The following ERC2 variants were observed in gnomAD, a reference collection of about 807,000 sequenced individuals.
ERC2 encodes ELKS/RAB6-interacting/CAST family member 2.
In ERC2, 42 loss-of-function variants were observed where a neutral mutation model predicts 114.8. The ratio of observed to expected loss-of-function variants is 0.37; its 90% CI spans 0.29 to 0.47. ERC2 has a LOEUF of 0.47. Among genes scored for constraint, ERC2 ranks in the 20% least tolerant of loss-of-function variants. The pLI, the probability that ERC2 is intolerant of heterozygous loss-of-function variation, is 0.99. For missense variants in ERC2, 939 were observed against 1,150.7 expected (o/e 0.82, Z 2.66); for synonymous variants, 454 against 425.5 (o/e 1.07, Z -0.82).
intron 15 of ERC2, among the ~76,000 whole-genome samples, chr3:55,713,982 A>C (rs1344555782): frequency 6.6e-6 from 1 of 152,244 alleles, no homozygotes; most frequent in Non-Finnish European, 1.5e-5. Flanking sequence ...GCATTACTTA[A>C]TCTTCAGGAA....
intron 17 of ERC2, among the ~76,000 whole-genome samples, chr3:55,589,076 C>T (rs1291197695): frequency 2.0e-5 from 3 of 151,952 alleles, no homozygotes; most frequent in Non-Finnish European, 4.4e-5. Context: ...GACTCAGTTT[C>T]CTTGGCTATA....
At chr3:56,378,329 C>T (rs1440896769) in intron 2 of ERC2, among the ~76,000 whole-genome samples, 2 of 142,794 alleles carry the variant, frequency 1.4e-5, no homozygotes, top group African/African-American at 5.3e-5. Flanking sequence ...GAATAAAAAA[C>T]CAAACACTGC....
intron 7 of ERC2, among the ~76,000 whole-genome samples, chr3:56,043,534 G>C (rs918196100): frequency 2.2e-4 from 34 of 151,920 alleles, no homozygotes; most frequent in African/African-American, 8.2e-4. Flanking sequence ...GAAAAAAAAA[G>C]AGGAATTAAA....
chr3:56,286,414 CAAAAAAAAAAAAA>C (rs778645110), intron 3 of ERC2, among the ~76,000 whole-genome samples: 1 of 30,316 alleles, frequency 3.3e-5, no homozygotes, highest in African/African-American at 1.4e-4. Flanking sequence ...AACTCCATCT[CAAAAAAAAAAAAA>C]AAAAAAAAAA....
intron 13 of ERC2, among the ~76,000 whole-genome samples, chr3:55,893,170 C>T (rs1559828441): frequency 6.6e-6 from 1 of 152,166 alleles, no homozygotes; most frequent in African/African-American, 2.4e-5. Flanking sequence ...GTGAGAAATA[C>T]ATTTCTGTTA....
chr3:56,037,418 A>G (rs551031339), intron 7 of ERC2, among the ~76,000 whole-genome samples: 1 of 152,346 alleles, frequency 6.6e-6, no homozygotes, highest in African/African-American at 2.4e-5. Context: ...ACAAGTATCA[A>G]TAGCTGAAGA....
At chr3:55,543,493 G>A (rs1402267189) in intron 17 of ERC2, among the ~76,000 whole-genome samples, 2 of 152,206 alleles carry the variant, frequency 1.3e-5, no homozygotes, top group African/African-American at 2.4e-5. Flanking sequence ...GGTCACAAAC[G>A]AGGCCTAGTG....
intron 2 of ERC2, among the ~76,000 whole-genome samples, chr3:56,344,306 G>A (rs551357431): frequency 2.0e-5 from 3 of 152,238 alleles, no homozygotes; most frequent in Admixed American, 1.3e-4. Flanking sequence ...CATTGCCCTG[G>A]CAAACACCTT....
intron 14 of ERC2, among the ~76,000 whole-genome samples, chr3:55,827,339 G>A (rs559653398): frequency 3.7e-4 from 56 of 150,796 alleles, no homozygotes; most frequent in African/African-American, 9.0e-4. Context: ...AAAGAAAGAG[G>A]GACGGAGGAG....
chr3:56,308,518 A>C (rs961628676), intron 2 of ERC2, among the ~76,000 whole-genome samples: 1 of 152,212 alleles, frequency 6.6e-6, no homozygotes, highest in African/African-American at 2.4e-5. Context: ...GAATGAAAAT[A>C]TAATTATATA....
chr3:56,380,547 T>C (rs1179004878), intron 2 of ERC2, among the ~76,000 whole-genome samples: 1 of 152,146 alleles, frequency 6.6e-6, no homozygotes, highest in African/African-American at 2.4e-5. Flanking sequence ...TCTTGGCTAA[T>C]AGCCTTTCAG....
At chr3:56,106,247 G>A (rs994886812) in intron 6 of ERC2, among the ~76,000 whole-genome samples, 10 of 152,178 alleles carry the variant, frequency 6.6e-5, no homozygotes, top group Non-Finnish European at 8.8e-5. Context: ...ACAGTGAAGA[G>A]AGCCAAGCTC....
At chr3:56,381,844 C>T (rs2059765612) in intron 2 of ERC2, among the ~76,000 whole-genome samples, 1 of 152,078 alleles carries the variant, frequency 6.6e-6, no homozygotes, top group African/African-American at 2.4e-5. Context: ...CTGTATATCC[C>T]AGAATCTGAA....
intron 17 of ERC2, among the ~76,000 whole-genome samples, chr3:55,516,867 CA>C (rs1559584230): frequency 6.6e-6 from 1 of 152,182 alleles, no homozygotes; most frequent in Non-Finnish European, 1.5e-5. Context: ...TATCTGAAAC[CA>C]GCTCGATAGC....
chr3:55,856,400 T>C lies in ERC2; in HGVS notation c.2564+31989A>G, dbSNP rs560926985. ...ATGCAGAACAGAACACCATTCATTC[T>C]TCATCAACTAATTCATTCAATCGGC... On this transcript the variant is annotated intron_variant, in intron 14 of 17. Coordinates refer to ENST00000288221, the MANE Select transcript of ERC2 (RefSeq NM_015576.3). 1.9e-4 allele frequency among the ~76,000 whole-genome samples: 29 copies of C among 152,340 alleles called. No homozygotes were observed. The South Asian group carries it at 6.0e-3, about 32-fold the overall frequency.
At chr3:56,360,605 G>A (rs1363347534) in intron 2 of ERC2, among the ~76,000 whole-genome samples, 1 of 152,140 alleles carries the variant, frequency 6.6e-6, no homozygotes, top group Non-Finnish European at 1.5e-5. Flanking sequence ...ACTGAAGGAT[G>A]AGTAAGTTTA....
intron 3 of ERC2, among the ~76,000 whole-genome samples, chr3:56,246,134 C>T (rs2051690399): frequency 1.4e-5 from 2 of 146,998 alleles, no homozygotes; most frequent in Admixed American, 6.8e-5. Flanking sequence ...CATGAATTGT[C>T]ATCCCATAAT....
At chr3:56,313,841 A>G (rs542535209) in intron 2 of ERC2, among the ~76,000 whole-genome samples, 7 of 152,364 alleles carry the variant, frequency 4.6e-5, no homozygotes, top group African/African-American at 1.4e-4. Context: ...CAGCAACCCC[A>G]AGAAGAATCT....
chr3:55,903,932 G>A (rs1028881021), intron 13 of ERC2, among the ~76,000 whole-genome samples: 2 of 152,224 alleles, frequency 1.3e-5, no homozygotes, highest in African/African-American at 4.8e-5. Flanking sequence ...TGCCCAGTAG[G>A]TCAACAGCAG....
Sources: gnomAD v4.1 joint callset for allele counts (sites outside exome capture counted in the v4.1 genomes callset) on GRCh38, gnomAD v4.1.1 for gene constraint, MANE v1.5 for transcripts, NCBI Gene and HGNC (gene_info 2026-07-23, HGNC 2026-07-21) for gene names.